CACNA1C: variants seen among roughly 807,000 people sequenced by gnomAD.
The protein encoded by CACNA1C is voltage-dependent L-type calcium channel subunit alpha-1C.
In CACNA1C, 30 loss-of-function variants were observed where a neutral mutation model predicts 229.0. That is an observed-to-expected ratio of 0.13 (90% confidence interval 0.10 to 0.18). The LOEUF is 0.18. CACNA1C is among the 10% of genes least tolerant of loss of function. The pLI, the probability that CACNA1C is intolerant of heterozygous loss-of-function variation, is 1.00. For missense variants in CACNA1C, 1,658 were observed against 2,845.0 expected, an observed-to-expected ratio of 0.58 and a Z score of 9.49; for synonymous variants, 1,114 against 1,132.5, an observed-to-expected ratio of 0.98 and a Z score of 0.33.
chr12:2,565,981 G>A (rs933331294), intron 11 of CACNA1C, among the ~76,000 whole-genome samples: 5 of 152,192 alleles, frequency 3.3e-5, no homozygotes, highest in Admixed American at 6.5e-5. Flanking sequence ...CAGAGTTACT[G>A]AAAGAATTGG....
chr12:2,607,312 A>C, intron 26 of CACNA1C, 182 bp downstream of exon 26: 1 of 571,710 alleles, frequency 1.7e-6, no homozygotes. Context: ...GCTGAAACCG[A>C]CTCTTCTTTC....
chr12:2,386,207 T>C (rs1282137095), intron 3 of CACNA1C, among the ~76,000 whole-genome samples: 2 of 152,186 alleles, frequency 1.3e-5, no homozygotes, highest in African/African-American at 2.4e-5. Context: ...TCATAGAAAT[T>C]GGCAAATGCT....
At chr12:2,598,422 TTCA>T in intron 21 of CACNA1C, among the ~76,000 whole-genome samples, 1 of 152,334 alleles carries the variant, frequency 6.6e-6, no homozygotes, top group South Asian at 2.1e-4. Context: ...GGCAAGCCAG[TTCA>T]TCTGAGAGTC....
chr12:2,047,880 A>G (rs2051356797), intron 1 of CACNA1C, among the ~76,000 whole-genome samples: 1 of 152,264 alleles, frequency 6.6e-6, no homozygotes, highest in South Asian at 2.1e-4. Context: ...AAAGCAGGAC[A>G]TGATGTGGGA....
intron 1 of CACNA1C, among the ~76,000 whole-genome samples, chr12:2,055,192 T>TC (rs2054196552): frequency 6.6e-6 from 1 of 152,162 alleles, no homozygotes; most frequent in African/African-American, 2.4e-5. Flanking sequence ...CCTCACCTGA[T>TC]CCCCTCTCCC....
At chr12:2,197,858 T>C (rs962803234) in intron 3 of CACNA1C, among the ~76,000 whole-genome samples, 10 of 152,206 alleles carry the variant, frequency 6.6e-5, no homozygotes, top group Non-Finnish European at 1.2e-4. Context: ...AAGCACCTAC[T>C]GATGGGTTCA....
At chr12:2,462,910 A>ATTTTTT (rs147569410) in intron 5 of CACNA1C, among the ~76,000 whole-genome samples, 3 of 120,950 alleles carry the variant, frequency 2.5e-5, no homozygotes, top group Non-Finnish European at 3.4e-5. Context: ...CAAAAGTTGC[A>ATTTTTT]TTTTTTTTTT....
chr12:2,353,701 G>T (rs570801490), intron 3 of CACNA1C, among the ~76,000 whole-genome samples: 1 of 152,198 alleles, frequency 6.6e-6, no homozygotes, highest in Non-Finnish European at 1.5e-5. Flanking sequence ...AGCATGACCC[G>T]TGCCTCAATC....
chr12:2,550,396 A>G, intron 10 of CACNA1C: 1 of 546,904 alleles, frequency 1.8e-6, no homozygotes, highest in Non-Finnish European at 2.9e-6. Flanking sequence ...CCCTCTTCAA[A>G]GAGACAGCGA....
At position 2,365,960 on chromosome 12, in the gene CACNA1C, A is replaced by T. The variant is rs183215776; in HGVS notation, c.478-83016A>T. Among the ~76,000 whole-genome samples, 7 of 152,360 alleles carry T rather than the reference A, an allele frequency of 4.6e-5. No individual in the cohort carries two copies. The East Asian group carries it at 1.3e-3, about 29-fold the overall frequency. ...GATTCAGGCAGAAAAATATGAAGAC[A>T]TATGAAAATATGCAAGGTCTCAGAA... is the stretch of plus-strand genomic sequence containing the variant. On this transcript the variant is annotated intron_variant, in intron 3 of 46. Coordinates refer to ENST00000399655, the MANE Select transcript of CACNA1C (RefSeq NM_000719.7).
intron 3 of CACNA1C, among the ~76,000 whole-genome samples, chr12:2,342,593 G>A (rs1375877893): frequency 6.6e-6 from 1 of 152,226 alleles, no homozygotes; most frequent in Non-Finnish European, 1.5e-5. Context: ...TGACGGAGCT[G>A]TGTCATACTG....
At chr12:2,556,705 T>C (rs1440789988) in intron 10 of CACNA1C, among the ~76,000 whole-genome samples, 4 of 152,192 alleles carry the variant, frequency 2.6e-5, no homozygotes, top group African/African-American at 9.7e-5. Flanking sequence ...GAGGACCTGC[T>C]ACTCTCCCTC....
rs535560466 is a variant in CACNA1C at position 2,091,289 on chromosome 12, T to C, written c.50-23935T>C. Among the ~76,000 whole-genome samples the C allele has an allele frequency of 3.3e-5, 5 of 152,328 alleles. No individual in the cohort carries two copies. The South Asian group carries it at 6.2e-4, about 19-fold the overall frequency. ...TCCTGCTGTTTCTACCTTGCGATGA[T>C]TTACATGGATGAGAGGCTGGGTATG... On this transcript the variant is annotated intron_variant, in intron 1 of 46. Coordinates refer to ENST00000399655, the MANE Select transcript of CACNA1C (RefSeq NM_000719.7).
intron 38 of CACNA1C, among the ~76,000 whole-genome samples, chr12:2,671,508 G>A (rs1471813391): frequency 1.3e-5 from 2 of 152,136 alleles, no homozygotes; most frequent in African/African-American, 4.8e-5. Context: ...AAGGAGAGGC[G>A]ATATAAATGA....
chr12:2,249,950 A>G (rs1027030873), intron 3 of CACNA1C, among the ~76,000 whole-genome samples: 4 of 151,998 alleles, frequency 2.6e-5, no homozygotes, highest in Non-Finnish European at 5.9e-5. Context: ...CTGAGACTAC[A>G]GGCGCCCGCC....
intron 9 of CACNA1C, among the ~76,000 whole-genome samples, chr12:2,548,211 G>C (rs1279884979): frequency 6.6e-6 from 1 of 152,132 alleles, no homozygotes; most frequent in East Asian, 1.9e-4. Context: ...CCATCCCTAA[G>C]GGCTGGTCTC....
intron 3 of CACNA1C, among the ~76,000 whole-genome samples, chr12:2,423,510 A>C (rs1357871192): frequency 6.6e-6 from 1 of 152,190 alleles, no homozygotes; most frequent in Non-Finnish European, 1.5e-5. Flanking sequence ...GGATTAAATG[A>C]AACGATTCAT....
chr12:2,138,961 G>T (rs781709161), intron 3 of CACNA1C, among the ~76,000 whole-genome samples: 8 of 150,366 alleles, frequency 5.3e-5, no homozygotes, highest in Non-Finnish European at 1.0e-4. Context: ...TAGCATTCTA[G>T]ATGACCCCTA....
intron 4 of CACNA1C, among the ~76,000 whole-genome samples, chr12:2,449,418 G>A (rs971487387): frequency 8.5e-5 from 13 of 152,270 alleles, no homozygotes; most frequent in African/African-American, 2.6e-4. Context: ...GTGAACTTCC[G>A]TGGTTCCACC....
Sources: allele counts gnomAD v4.1 joint callset (sites outside exome capture counted in the v4.1 genomes callset), GRCh38; gene constraint gnomAD v4.1.1; transcripts MANE v1.5; gene names NCBI Gene and HGNC (gene_info 2026-07-23, HGNC 2026-07-21).